The following CADM2 variants were observed in gnomAD, a reference collection of about 807,000 sequenced individuals.
The protein encoded by CADM2 is cell adhesion molecule 2.
In CADM2, 12 loss-of-function variants were observed where a neutral mutation model predicts 49.8. The ratio of observed to expected loss-of-function variants is 0.24; its 90% CI spans 0.15 to 0.39. The LOEUF is 0.39. Among genes scored for constraint, CADM2 ranks in the 10% least tolerant of loss-of-function variants. CADM2 has a pLI of 1.00. For missense variants in CADM2, 378 were observed against 492.3 expected, an observed-to-expected ratio of 0.77 and a Z score of 2.20; for synonymous variants, 214 against 175.4, an observed-to-expected ratio of 1.22 and a Z score of -1.74.
chr3:85,649,470 G>A (rs79724503), intron 1 of CADM2, among the ~76,000 whole-genome samples: 3,120 of 152,068 alleles, frequency 0.021, 51 homozygotes, highest in Middle Eastern at 0.051. Flanking sequence ...TTTTGAAATC[G>A]ATAAAGAAAA....
chr3:85,860,277 C>A (rs560289087), intron 3 of CADM2, among the ~76,000 whole-genome samples: 3 of 151,668 alleles, frequency 2.0e-5, no homozygotes, highest in South Asian at 2.1e-4. Flanking sequence ...CAGAAGGAAA[C>A]AAAAACAACA....
At chr3:85,473,995 A>C (rs1373443343) in intron 1 of CADM2, among the ~76,000 whole-genome samples, 1 of 151,986 alleles carries the variant, frequency 6.6e-6, no homozygotes, top group Non-Finnish European at 1.5e-5. Context: ...GCATTCCCTA[A>C]ATATTGTTGC....
At chr3:84,963,658 A>T (rs762646606) in intron 1 of CADM2, among the ~76,000 whole-genome samples, 1 of 152,198 alleles carries the variant, frequency 6.6e-6, no homozygotes, top group Non-Finnish European at 1.5e-5. Flanking sequence ...TTTAATTTGA[A>T]TATACATTCA....
At chr3:86,006,567 T>TTC (rs1272863707) in intron 8 of CADM2, among the ~76,000 whole-genome samples, 1 of 152,166 alleles carries the variant, frequency 6.6e-6, no homozygotes, top group African/African-American at 2.4e-5. Context: ...AGTCTGAATT[T>TTC]TCTTTTTTCT....
At position 85,329,364 on chromosome 3, in the gene CADM2, G is replaced by C. The variant is rs1305458671; in HGVS notation, c.61+369696G>C. ...AGCCTGGCCAACATGGTAAAACCCA[G>C]GCTCTACTAAACACATACACACACA... On this transcript the variant is annotated intron_variant, in intron 1 of 9. Transcript: ENST00000383699. Among the ~76,000 whole-genome samples, 3 of 149,240 alleles carry C rather than the reference G, an allele frequency of 2.0e-5. 1 individual carries two copies. The East Asian group carries it at 5.9e-4, about 30-fold the overall frequency.
chr3:85,772,302 G>A (rs188535811), intron 2 of CADM2, among the ~76,000 whole-genome samples: 3 of 151,952 alleles, frequency 2.0e-5, no homozygotes, highest in East Asian at 1.9e-4. Context: ...TCCTAGTTAC[G>A]TTTAGCTTTG....
intron 1 of CADM2, among the ~76,000 whole-genome samples, chr3:85,554,882 A>ATTTTTTTTTTTTTTTT (rs902390475): frequency 3.2e-5 from 1 of 30,958 alleles, no homozygotes; most frequent in African/African-American, 5.5e-5. Flanking sequence ...TTTTATTTTT[A>ATTTTTTTTTTTTTTTT]TTTTTTTTTT....
rs78091180 is a variant in CADM2 at position 85,289,047 on chromosome 3, A to C, written c.61+329379A>C. ...ATTTTGCTAAGCACCAAGAACACTA[A>C]AATAAAATGTGTGCCTATAAACTTT... On this transcript the variant is annotated intron_variant, in intron 1 of 9. Coordinates refer to ENST00000383699, the MANE Select transcript of CADM2 (RefSeq NM_001167675.2). Among the ~76,000 whole-genome samples the C allele has an allele frequency of 4.5e-3, 688 of 152,236 alleles. 5 individuals are homozygous for C. Among genetic ancestry groups the C allele is most frequent in the Non-Finnish European group, 7.9e-3 (535 of 68,008 alleles).
intron 1 of CADM2, among the ~76,000 whole-genome samples, chr3:85,646,058 G>T (rs559137138): frequency 6.6e-6 from 1 of 152,088 alleles, no homozygotes; most frequent in African/African-American, 2.4e-5. Context: ...CTCAAGACCA[G>T]CCTGGATTCT....
At chr3:86,052,088 GAATT>G (rs1737410967) in intron 8 of CADM2, among the ~76,000 whole-genome samples, 5 of 152,158 alleles carry the variant, frequency 3.3e-5, no homozygotes, top group Admixed American at 2.6e-4. Flanking sequence ...TAGGAGAAAA[GAATT>G]AAATAAACAC....
At chr3:85,199,759 G>A (rs2041445994) in intron 1 of CADM2, among the ~76,000 whole-genome samples, 3 of 151,708 alleles carry the variant, frequency 2.0e-5, no homozygotes, top group Admixed American at 2.0e-4. Flanking sequence ...TAATTAAGTG[G>A]GGAAAACAAA....
At chr3:84,996,152 A>G (rs536556274) in intron 1 of CADM2, among the ~76,000 whole-genome samples, 3 of 152,276 alleles carry the variant, frequency 2.0e-5, no homozygotes, top group African/African-American at 7.2e-5. Context: ...GACTACACCA[A>G]CTTTATTTAA....
At position 85,836,843 on chromosome 3, in the gene CADM2, A is replaced by G. The variant is rs115881163; in HGVS notation, c.238+34647A>G. 8.0e-3 allele frequency among the ~76,000 whole-genome samples: 1,219 copies of G among 151,734 alleles called. 12 individuals are homozygous for G. The highest frequency in any genetic ancestry group is 0.028 in the African/African-American group (1,158 of 41,504). On this transcript the variant is annotated intron_variant, in intron 3 of 9. Transcript: ENST00000383699. ...TTTTGATACGAGCAAAATGGCATCT[A>G]TACAGCCATGTGAGTGCCTGGCAAG...
Position 85,961,533 on chromosome 3 carries a change from A to G in CADM2, c.856A>G (p.Ser286Gly). 1 of 1,609,998 alleles carries G rather than the reference A, an allele frequency of 6.2e-7. No individual in the cohort carries two copies. The highest frequency in any genetic ancestry group is 8.5e-7 in the Non-Finnish European group (1 of 1,177,110). ...ACCAGATCCTGACCGAATGGTTGTGAGTGGTAGGGAGCTAAACATTCTTTT... is the reference window on the plus strand; with the variant it reads ...ACCAGATCCTGACCGAATGGTTGTGGGTGGTAGGGAGCTAAACATTCTTTT... ...ELPDPDRMVV[S>G]GRELNILFLN... Residue 286 changes from serine (S) to glycine (G), a missense_variant, in exon 8 of 10, where the codon AGT (serine) becomes GGT (glycine). Coordinates refer to ENST00000383699, the MANE Select transcript of CADM2 (RefSeq NM_001167675.2).
chr3:85,328,265 A>G (rs2044811118), intron 1 of CADM2, among the ~76,000 whole-genome samples: 1 of 152,216 alleles, frequency 6.6e-6, no homozygotes, highest in Non-Finnish European at 1.5e-5. Flanking sequence ...AACAACCTTA[A>G]GAGCTTTTAA....
At chr3:85,545,971 A>G (rs1172574338) in intron 1 of CADM2, among the ~76,000 whole-genome samples, 2 of 152,212 alleles carry the variant, frequency 1.3e-5, no homozygotes, top group African/African-American at 4.8e-5. Context: ...CCAGTTTCCC[A>G]GTGCAAGAAC....
chr3:85,947,170 A>C (rs1218368345), intron 7 of CADM2, among the ~76,000 whole-genome samples: 3 of 152,064 alleles, frequency 2.0e-5, no homozygotes, highest in Non-Finnish European at 4.4e-5. Context: ...GAAGACATTT[A>C]TGCAGCCAAA....
rs556798126 is a variant in CADM2, at chr3:85,431,573, C to G, written c.62-294949C>G. Reference sequence around the variant, plus strand: ...TCAGAAGTGTTAAAACACAGTGAAGCAGCAAATTTGTGATAGAGTGGTTGA... The same window carrying G: ...TCAGAAGTGTTAAAACACAGTGAAGGAGCAAATTTGTGATAGAGTGGTTGA... On this transcript the variant is annotated intron_variant, in intron 1 of 9. Transcript: ENST00000383699. Among the ~76,000 whole-genome samples, 294 of 151,482 alleles carry G rather than the reference C, an allele frequency of 1.9e-3. 2 individuals are homozygous for G. The highest frequency in any genetic ancestry group is 6.9e-3 in the African/African-American group (283 of 41,312).
intron 8 of CADM2, among the ~76,000 whole-genome samples, chr3:86,010,080 A>T (rs2106900529): frequency 6.6e-6 from 1 of 152,070 alleles, no homozygotes; most frequent in Admixed American, 6.5e-5. Context: ...AATTTAAAGT[A>T]AATAGCAATG....
Sources: allele counts gnomAD v4.1 joint callset (sites outside exome capture counted in the v4.1 genomes callset), GRCh38; gene constraint gnomAD v4.1.1; transcripts MANE v1.5; gene names NCBI Gene and HGNC (gene_info 2026-07-23, HGNC 2026-07-21).